The following KCNK13 variants were observed in gnomAD, a reference collection of about 807,000 sequenced individuals.
The protein encoded by KCNK13 is potassium channel subfamily K member 13.
Under a neutral mutation model 23.4 loss-of-function variants are expected in KCNK13, and 12 were observed. That is an observed-to-expected ratio of 0.51 (90% CI 0.33 to 0.83). The LOEUF (loss-of-function observed/expected upper bound fraction) is 0.83. Among genes scored for constraint, KCNK13 ranks in the 40% least tolerant of loss-of-function variants. The pLI, the probability that KCNK13 is intolerant of heterozygous loss-of-function variation, is 0.02. For missense variants in KCNK13, 463 were observed against 556.3 expected, an observed-to-expected ratio of 0.83 and a Z score of 1.69; for synonymous variants, 231 against 229.5, an observed-to-expected ratio of 1.01 and a Z score of -0.06.
chr14:90,156,186 C>G (rs1202852569), intron 1 of KCNK13, among the ~76,000 whole-genome samples: 1 of 123,648 alleles, frequency 8.1e-6, no homozygotes. Flanking sequence ...GCCTAGGTGA[C>G]AGAGTGAGAG....
At chr14:90,151,644 T>A (rs1372395730) in intron 1 of KCNK13, among the ~76,000 whole-genome samples, 1 of 152,252 alleles carries the variant, frequency 6.6e-6, no homozygotes, top group Non-Finnish European at 1.5e-5. Context: ...CAATCCCATT[T>A]GTCTATTTTT....
Position 90,161,044 on chromosome 14 carries a change from CA to C in KCNK13, c.335-23065del, listed in dbSNP as rs1262790226. On this transcript the variant is annotated intron_variant, in intron 1 of 1. Coordinates refer to ENST00000282146, the MANE Select transcript of KCNK13 (RefSeq NM_022054.4). ...TCACAGCCAAAAGGAGGAAACAACC[CA>C]AGTGTCCATGGATGGATAAATGGAT... Among the ~76,000 whole-genome samples, 7 of 152,106 alleles carry C rather than the reference CA, an allele frequency of 4.6e-5. No homozygotes were observed. The East Asian group carries it at 1.4e-3, about 29-fold the overall frequency.
intron 1 of KCNK13, among the ~76,000 whole-genome samples, chr14:90,069,261 T>C (rs569718442): frequency 1.8e-4 from 27 of 152,184 alleles, no homozygotes; most frequent in African/African-American, 6.5e-4. Flanking sequence ...GGTCTCAAAC[T>C]CCTGACCTCG....
At chr14:90,152,178 G>A (rs192187540) in intron 1 of KCNK13, among the ~76,000 whole-genome samples, 3 of 152,148 alleles carry the variant, frequency 2.0e-5, no homozygotes, top group Non-Finnish European at 4.4e-5. Context: ...TGAGTCTCAC[G>A]AGATCTGATG....
intron 1 of KCNK13, among the ~76,000 whole-genome samples, chr14:90,082,802 C>T (rs1485529452): frequency 6.6e-6 from 1 of 152,138 alleles, no homozygotes; most frequent in Non-Finnish European, 1.5e-5. Flanking sequence ...TTTCATTTCT[C>T]TTGAGCATGT....
intron 1 of KCNK13, among the ~76,000 whole-genome samples, chr14:90,113,029 C>G (rs1889634098): frequency 6.6e-6 from 1 of 151,740 alleles, no homozygotes; most frequent in African/African-American, 2.4e-5. Flanking sequence ...TCCTTTCACC[C>G]CAACCTCCTG....
At chr14:90,141,455 TTTTGC>T (rs1306991569) in intron 1 of KCNK13, among the ~76,000 whole-genome samples, 1 of 151,880 alleles carries the variant, frequency 6.6e-6, no homozygotes, top group Non-Finnish European at 1.5e-5. Flanking sequence ...GGTTTTTTTG[TTTTGC>T]TTTGTTTTGT....
intron 1 of KCNK13, among the ~76,000 whole-genome samples, chr14:90,124,375 A>G (rs532332005): frequency 3.3e-5 from 5 of 152,362 alleles, no homozygotes; most frequent in Admixed American, 2.0e-4. Context: ...GGTACACTCA[A>G]CTTAATCACA....
intron 1 of KCNK13, among the ~76,000 whole-genome samples, chr14:90,135,831 G>T (rs1889929708): frequency 6.6e-6 from 1 of 152,068 alleles, no homozygotes; most frequent in Non-Finnish European, 1.5e-5. Context: ...TTTCCCAAAG[G>T]CTTGACCTAT....
intron 1 of KCNK13, among the ~76,000 whole-genome samples, chr14:90,074,347 A>G (rs186920278): frequency 8.7e-4 from 133 of 152,316 alleles, no homozygotes; most frequent in African/African-American, 3.2e-3. Flanking sequence ...TTGTTCAGCC[A>G]CTTTTTTATT....
At chr14:90,127,539 G>A (rs1295033216) in intron 1 of KCNK13, among the ~76,000 whole-genome samples, 1 of 148,520 alleles carries the variant, frequency 6.7e-6, no homozygotes, top group Non-Finnish European at 1.5e-5. Flanking sequence ...ATGGCCAGAC[G>A]TGATGGCTCA....
In KCNK13 at chr14:90,148,728, G is replaced by A. The variant is rs527896870; in HGVS notation, c.335-35383G>A. ...CCTGCTAAGGAACGCATATTTTATCGTATGAGCAGAAGGGTGCTAATAGAG... is the reference window on the plus strand; with the variant it reads ...CCTGCTAAGGAACGCATATTTTATCATATGAGCAGAAGGGTGCTAATAGAG... On this transcript the variant is annotated intron_variant, in intron 1 of 1. Transcript: ENST00000282146. Among the ~76,000 whole-genome samples, 49 of 152,206 alleles carry A rather than the reference G, an allele frequency of 3.2e-4. 1 individual carries two copies. Among genetic ancestry groups the A allele is most frequent in the Non-Finnish European group, 3.8e-4 (26 of 68,034 alleles).
chr14:90,092,623 C>A (rs1889361759), intron 1 of KCNK13, among the ~76,000 whole-genome samples: 1 of 152,142 alleles, frequency 6.6e-6, no homozygotes, highest in Non-Finnish European at 1.5e-5. Flanking sequence ...GTTTTCATTT[C>A]TCTGCCTTTA....
intron 1 of KCNK13, among the ~76,000 whole-genome samples, chr14:90,152,112 G>C (rs1890139784): frequency 6.6e-6 from 1 of 152,208 alleles, no homozygotes; most frequent in African/African-American, 2.4e-5. Flanking sequence ...GGACCAGATG[G>C]GAGGTAATTG....
intron 1 of KCNK13, among the ~76,000 whole-genome samples, chr14:90,084,956 A>G (rs1889254792): frequency 2.0e-5 from 3 of 151,716 alleles, no homozygotes; most frequent in Admixed American, 2.0e-4. Flanking sequence ...TTATTTATTT[A>G]TTTTGAGATG....
chr14:90,096,647 T>G (rs1328450785), intron 1 of KCNK13, among the ~76,000 whole-genome samples: 1 of 152,200 alleles, frequency 6.6e-6, no homozygotes, highest in Non-Finnish European at 1.5e-5. Context: ...TTGATTGTAT[T>G]GTAAGGATAC....
intron 1 of KCNK13, among the ~76,000 whole-genome samples, chr14:90,106,858 C>T (rs1373840447): frequency 6.6e-6 from 1 of 151,724 alleles, no homozygotes; most frequent in Non-Finnish European, 1.5e-5. Flanking sequence ...CCCGTCTCTA[C>T]TAAAAATACA....
chr14:90,133,529 TAC>T (rs1889899642), intron 1 of KCNK13, among the ~76,000 whole-genome samples: 1 of 148,642 alleles, frequency 6.7e-6, no homozygotes, highest in African/African-American at 2.5e-5. Context: ...ACATAAACTG[TAC>T]AGTGTGTGAA....
At chr14:90,111,899 G>T (rs1889619279) in intron 1 of KCNK13, among the ~76,000 whole-genome samples, 2 of 152,144 alleles carry the variant, frequency 1.3e-5, no homozygotes, top group Non-Finnish European at 2.9e-5. Flanking sequence ...TCCCTCACAG[G>T]TGGGTCACTG....
Sources: gnomAD v4.1 joint callset for allele counts (sites outside exome capture counted in the v4.1 genomes callset) on GRCh38, gnomAD v4.1.1 for gene constraint, MANE v1.5 for transcripts, NCBI Gene and HGNC (gene_info 2026-07-23, HGNC 2026-07-21) for gene names.